ODF2: variants seen among roughly 807,000 people sequenced by gnomAD.
ODF2 encodes outer dense fiber protein 2.
Under a neutral mutation model 110.2 loss-of-function variants are expected in ODF2, and 47 were observed. The ratio of observed to expected loss-of-function variants is 0.43; its 90% CI spans 0.34 to 0.54. The LOEUF is 0.54. ODF2 is among the 20% of genes least tolerant of loss of function. ODF2 has a pLI of 0.03. For synonymous variants in ODF2, 352 were observed against 397.7 expected (o/e 0.89, Z 1.37); for missense variants, 812 against 1,054.5 (o/e 0.77, Z 3.19).
chr9:128,473,759 C>A lies in ODF2; in HGVS notation c.843+18C>A, dbSNP rs200890559. 3.1e-6 allele frequency: 5 copies of A among 1,609,688 alleles called. No individual in the cohort carries two copies. The Admixed American group carries it at 8.4e-5, about 27-fold the overall frequency. ...GCAAAGAGGTGAGCTTGGGGCCTGG[C>A]TCTTTCCCTCCAGCTCTGCATGCCC... On this transcript the variant is annotated intron_variant, in intron 8 of 20. Transcript: ENST00000604420.
intron 6 of ODF2, 36 bp from the exon 7 acceptor site, chr9:128,472,877 C>T: frequency 6.2e-7 from 1 of 1,612,674 alleles, no homozygotes; most frequent in Non-Finnish European, 8.5e-7. Context: ...ATGCGGGGGC[C>T]TGGGAGGGCT....
intron 4 of ODF2, among the ~76,000 whole-genome samples, chr9:128,465,612 G>A (rs1481208733): frequency 1.3e-5 from 2 of 152,032 alleles, no homozygotes; most frequent in Non-Finnish European, 2.9e-5. Context: ...ATGGTGGCAC[G>A]CTCCTGTAGG....
intron 8 of ODF2, among the ~76,000 whole-genome samples, chr9:128,477,116 C>A (rs1235312425): frequency 6.6e-6 from 1 of 151,316 alleles, no homozygotes; most frequent in Non-Finnish European, 1.5e-5. Context: ...CCCGTAATAT[C>A]AACTACTCGG....
exon 21 of ODF2, chr9:128,500,154 G>A (rs773929791): frequency 1.9e-6 from 3 of 1,614,224 alleles, no homozygotes; most frequent in African/African-American, 1.3e-5. Context: ...GCAGAACTAC[G>A]TCCAGTTCCT....
At chr9:128,455,920 G>A (rs369734311), upstream of ODF2, 20 of 1,376,534 alleles carry the variant, frequency 1.5e-5, no homozygotes, top group African/African-American at 1.3e-4. Context: ...GGCCTTGAAT[G>A]GGGGGCGAGA....
chr9:128,479,296 A>T (rs1414600490), intron 8 of ODF2, among the ~76,000 whole-genome samples: 6 of 152,206 alleles, frequency 3.9e-5, no homozygotes, highest in Non-Finnish European at 7.3e-5. Flanking sequence ...GGTGCCAAAG[A>T]AAAATAGGGA....
rs375975817 is a variant in ODF2, at chr9:128,473,054, G to A, written c.711+12G>A. On this transcript the variant is annotated intron_variant, in intron 7 of 20. Coordinates refer to ENST00000604420, the Ensembl canonical transcript of ODF2. ...GGAAGCTGAAAACAGTAGGTGGCAG[G>A]TGGCAGGACCCCAGCCATGGAACTG... 3.7e-6 allele frequency: 6 copies of A among 1,613,740 alleles called. No homozygotes were observed. The African/African-American group carries it at 5.3e-5, about 14-fold the overall frequency.
exon 2 of ODF2, chr9:128,457,377 G>C (rs771358289): frequency 3.7e-5 from 60 of 1,612,610 alleles, no homozygotes; most frequent in Non-Finnish European, 4.8e-5. Flanking sequence ...TGACCCAATT[G>C]CCCACCTTTG....
intron 5 of ODF2, 156 bp downstream of exon 5, chr9:128,469,509 C>T: frequency 1.4e-6 from 1 of 709,492 alleles, no homozygotes; most frequent in Non-Finnish European, 2.4e-6. Flanking sequence ...CGGGAGGTAG[C>T]TGGGGCAGCA....
intron 13 of ODF2, among the ~76,000 whole-genome samples, chr9:128,486,701 C>T (rs879535739): frequency 6.6e-6 from 1 of 152,180 alleles, no homozygotes; most frequent in African/African-American, 2.4e-5. Flanking sequence ...GTGGGGCAGG[C>T]AGCTGGCTTC....
chr9:128,466,821 C>G (rs1838054637), intron 4 of ODF2, among the ~76,000 whole-genome samples: 1 of 147,068 alleles, frequency 6.8e-6, no homozygotes, highest in African/African-American at 2.5e-5. Flanking sequence ...ACTAAAAGTA[C>G]AAAAAATTAG....
At chr9:128,495,893 C>A in intron 17 of ODF2, 148 bp from the exon 18 acceptor site, 1 of 868,564 alleles carries the variant, frequency 1.2e-6, no homozygotes, top group Non-Finnish European at 1.8e-6. Flanking sequence ...CCCTGCTGTC[C>A]TTTCTCCTCT....
intron 18 of ODF2, among the ~76,000 whole-genome samples, chr9:128,496,760 C>T (rs1408738162): frequency 1.3e-5 from 2 of 152,178 alleles, no homozygotes; most frequent in Non-Finnish European, 2.9e-5. Flanking sequence ...TATCATGTCA[C>T]TCTGTCACCC....
At chr9:128,480,871 T>G (rs1223369636) in intron 8 of ODF2, among the ~76,000 whole-genome samples, 1 of 152,074 alleles carries the variant, frequency 6.6e-6, no homozygotes, top group Non-Finnish European at 1.5e-5. Flanking sequence ...TATGATATTA[T>G]TTTCCTAAAG....
intron 1 of ODF2, chr9:128,456,845 G>A (rs1037857376): frequency 7.6e-7 from 1 of 1,314,050 alleles, no homozygotes; most frequent in African/African-American, 1.5e-5. Context: ...GGGGCGCCCG[G>A]GGCCCGTGCA....
At chr9:128,456,792 GC>G (rs1834955117) in intron 1 of ODF2, 1 of 1,252,090 alleles carries the variant, frequency 8.0e-7, no homozygotes, top group African/African-American at 1.6e-5. Flanking sequence ...TCCCAGCCCG[GC>G]GTCTATCCTG....
At chr9:128,482,831 C>T (rs772975821) in exon 10 of ODF2, 3 of 1,613,440 alleles carry the variant, frequency 1.9e-6, no homozygotes, top group South Asian at 2.2e-5. Context: ...GCTGTTACTG[C>T]TGCAAGACAA....
intron 4 of ODF2, among the ~76,000 whole-genome samples, chr9:128,467,984 C>T (rs983187394): frequency 1.3e-5 from 2 of 151,876 alleles, no homozygotes; most frequent in East Asian, 1.9e-4. Flanking sequence ...CATGAGCCAC[C>T]GCTCCTGGCC....
Position 128,457,286 on chromosome 9 carries a change from CAGAG to C in ODF2, c.-117_-114del, listed in dbSNP as rs1588670255. On this transcript the variant is annotated 5_prime_UTR_variant, in exon 2 of 21. Coordinates refer to ENST00000604420, the Ensembl canonical transcript of ODF2. Reference sequence around the variant, plus strand: ...CCCAAAGCTTCCACCCTTCTCCCCTCAGAGAGGACGTTTGATGCCGGGCCCCTTG... The same window carrying C: ...CCCAAAGCTTCCACCCTTCTCCCCTCAGGACGTTTGATGCCGGGCCCCTTG... 11 of 1,604,776 alleles carry C rather than the reference CAGAG, an allele frequency of 6.9e-6. No homozygotes were observed. The East Asian group carries it at 2.5e-4, about 36-fold the overall frequency.
Sources: gnomAD v4.1 joint callset for allele counts (sites outside exome capture counted in the v4.1 genomes callset) on GRCh38, gnomAD v4.1.1 for gene constraint, MANE v1.5 for transcripts, NCBI Gene and HGNC (gene_info 2026-07-23, HGNC 2026-07-21) for gene names.